The following ADK variants were observed in gnomAD, a reference collection of about 807,000 sequenced individuals.
ADK encodes the protein N6,N6-dimethyladenosine kinase.
ADK carries 24 observed loss-of-function variants against 44.7 expected under a neutral mutation model. The observed-to-expected ratio is 0.54, with a 90% CI of 0.39 to 0.76. The LOEUF (loss-of-function observed/expected upper bound fraction) is 0.76, where lower values mean the gene tolerates loss of function less well. ADK is among the 30% of genes least tolerant of loss of function. The pLI, the probability that ADK is intolerant of heterozygous loss-of-function variation, is 0.00. For synonymous variants in ADK, 128 were observed against 142.6 expected, an observed-to-expected ratio of 0.90 and a Z score of 0.73; for missense variants, 321 against 425.1, an observed-to-expected ratio of 0.76 and a Z score of 2.15.
chr10:74,661,138 T>TA (rs1854710247), intron 9 of ADK: 1 of 165,256 alleles, frequency 6.1e-6, no homozygotes, highest in African/African-American at 2.4e-5. Flanking sequence ...TAACCACAGT[T>TA]ATACTCCCTC....
intron 4 of ADK, among the ~76,000 whole-genome samples, chr10:74,340,554 C>G (rs1016397803): frequency 6.6e-6 from 1 of 151,966 alleles, no homozygotes; most frequent in African/African-American, 2.4e-5. Flanking sequence ...GAATAGAAAC[C>G]TAGACTGTTT....
intron 10 of ADK, among the ~76,000 whole-genome samples, chr10:74,674,841 T>G (rs1855324376): frequency 6.6e-6 from 1 of 152,094 alleles, no homozygotes; most frequent in Non-Finnish European, 1.5e-5. Context: ...AAGATCTTGC[T>G]ACTGCACTCC....
At chr10:74,655,985 C>T in intron 9 of ADK, 1 of 678,578 alleles carries the variant, frequency 1.5e-6, no homozygotes, top group Non-Finnish European at 2.8e-6. Flanking sequence ...TGGACGTGAC[C>T]ATGGGAACCG....
At chr10:74,176,107 C>T (rs1842328662) in intron 1 of ADK, among the ~76,000 whole-genome samples, 1 of 152,086 alleles carries the variant, frequency 6.6e-6, no homozygotes, top group Admixed American at 6.5e-5. Context: ...TGGTAACTTG[C>T]TAAAAATACC....
At chr10:74,161,206 C>T (rs1418490343) in intron 1 of ADK, among the ~76,000 whole-genome samples, 1 of 152,020 alleles carries the variant, frequency 6.6e-6, no homozygotes, top group Admixed American at 6.6e-5. Context: ...CAAGGAATTC[C>T]TATTTATTTT....
chr10:74,667,101 G>T (rs1854987045), intron 9 of ADK, among the ~76,000 whole-genome samples: 1 of 152,102 alleles, frequency 6.6e-6, no homozygotes, highest in African/African-American at 2.4e-5. Flanking sequence ...AAAGTGCTGG[G>T]ATTACAGGCA....
intron 7 of ADK, among the ~76,000 whole-genome samples, chr10:74,582,947 TCA>T (rs1270392431): frequency 5.3e-5 from 8 of 152,196 alleles, no homozygotes; most frequent in Non-Finnish European, 1.2e-4. Context: ...GTTCCCAGAC[TCA>T]CATTTTATGC....
chr10:74,437,489 G>C (rs573296059), intron 6 of ADK, among the ~76,000 whole-genome samples: 25 of 152,216 alleles, frequency 1.6e-4, no homozygotes, highest in African/African-American at 6.0e-4. Context: ...TTTGACTCAT[G>C]TGCCCTAGCC....
At chr10:74,569,139 G>A (rs1440210081) in intron 7 of ADK, among the ~76,000 whole-genome samples, 1 of 152,116 alleles carries the variant, frequency 6.6e-6, no homozygotes, top group Non-Finnish European at 1.5e-5. Flanking sequence ...GTATTCCATG[G>A]TGTACATGTG....
At chr10:74,323,574 C>CTTTT (rs869227224) in intron 4 of ADK, among the ~76,000 whole-genome samples, 1 of 143,732 alleles carries the variant, frequency 7.0e-6, no homozygotes, top group African/African-American at 2.5e-5. Flanking sequence ...CTTTTCTTTT[C>CTTTT]TTTTTTTTTT....
intron 9 of ADK, among the ~76,000 whole-genome samples, chr10:74,635,755 G>GAAT (rs1033524290): frequency 2.0e-5 from 3 of 151,924 alleles, no homozygotes; most frequent in African/African-American, 7.3e-5. Flanking sequence ...CTTCCAATTT[G>GAAT]TACTCTTCTC....
chr10:74,330,527 C>T (rs944555323), intron 4 of ADK, among the ~76,000 whole-genome samples: 3 of 152,108 alleles, frequency 2.0e-5, no homozygotes, highest in African/African-American at 7.2e-5. Flanking sequence ...CCAGACTTAG[C>T]GACTTGTTTC....
intron 9 of ADK, among the ~76,000 whole-genome samples, chr10:74,619,591 A>G (rs1852908507): frequency 6.6e-6 from 1 of 152,158 alleles, no homozygotes; most frequent in Non-Finnish European, 1.5e-5. Flanking sequence ...CTAACATATT[A>G]ATCATAGTAG....
intron 4 of ADK, among the ~76,000 whole-genome samples, chr10:74,356,079 C>T (rs1449601630): frequency 7.8e-6 from 1 of 128,772 alleles, no homozygotes; most frequent in African/African-American, 2.9e-5. Context: ...ACTGCAGTGG[C>T]GCAATCTCGG....
chr10:74,250,791 A>G (rs1482554772), intron 3 of ADK, among the ~76,000 whole-genome samples: 1 of 152,020 alleles, frequency 6.6e-6, no homozygotes, highest in East Asian at 1.9e-4. Context: ...GTTTTGCTTC[A>G]TTTTTTTGAG....
intron 3 of ADK, among the ~76,000 whole-genome samples, chr10:74,234,404 A>G (rs1189439403): frequency 1.3e-5 from 2 of 152,362 alleles, no homozygotes; most frequent in East Asian, 3.8e-4. Context: ...TAAGAAAAGG[A>G]TAGAACTGTT....
At chr10:74,181,359 A>G (rs1449344492) in intron 1 of ADK, among the ~76,000 whole-genome samples, 2 of 151,962 alleles carry the variant, frequency 1.3e-5, no homozygotes, top group Non-Finnish European at 2.9e-5. Context: ...TTTGTATTCT[A>G]TTCTACTTAA....
intron 6 of ADK, 141 bp downstream of exon 6, chr10:74,398,720 T>C: frequency 2.0e-6 from 1 of 509,238 alleles, no homozygotes; most frequent in Non-Finnish European, 3.4e-6. Context: ...TTAGATTCAC[T>C]ATTGTGAAAA....
intron 7 of ADK, among the ~76,000 whole-genome samples, chr10:74,549,425 A>AAATT (rs1368350813): frequency 6.6e-6 from 1 of 152,158 alleles, no homozygotes; most frequent in East Asian, 1.9e-4. Context: ...ACTAGATTGT[A>AAATT]AATTAATTAA....
Sources: gnomAD v4.1 joint callset for allele counts (sites outside exome capture counted in the v4.1 genomes callset) on GRCh38, gnomAD v4.1.1 for gene constraint, MANE v1.5 for transcripts, NCBI Gene and HGNC (gene_info 2026-07-23, HGNC 2026-07-21) for gene names.